Variants in USP7 observed in about 807,000 individuals in gnomAD.
USP7 encodes ubiquitin specific peptidase 7.
A neutral mutation model predicts 162.9 loss-of-function variants in USP7; 9 were observed. The ratio of observed to expected loss-of-function variants is 0.06; its 90% CI spans 0.03 to 0.10. USP7 has a LOEUF of 0.10. Among genes scored for constraint, USP7 ranks in the 10% least tolerant of loss-of-function variants. The pLI is 1.00. For missense variants in USP7, 715 were observed against 1,373.7 expected, an observed-to-expected ratio of 0.52 and a Z score of 7.58; for synonymous variants, 562 against 475.9, an observed-to-expected ratio of 1.18 and a Z score of -2.35.
intron 16 of USP7, 109 bp from the exon 17 acceptor site, chr16:8,902,591 T>A: frequency 1.1e-6 from 1 of 941,144 alleles, no homozygotes; most frequent in South Asian, 1.8e-5. Context: ...ATAGTCAATG[T>A]TAAGACTGTG....
At chr16:8,915,416 A>T (rs562670555) in intron 9 of USP7, 29 bp downstream of exon 9, 33 of 1,613,382 alleles carry the variant, frequency 2.0e-5, no homozygotes, top group Middle Eastern at 1.7e-4. Flanking sequence ...ACCTTTAAAA[A>T]TCATCTTTTA....
chr16:8,950,891 C>G (rs1899516694), intron 1 of USP7, among the ~76,000 whole-genome samples: 1 of 152,182 alleles, frequency 6.6e-6, no homozygotes, highest in African/African-American at 2.4e-5. Context: ...GGGGCCAGAA[C>G]TTGGGCCTCC....
intron 8 of USP7, 49 bp from the exon 9 acceptor site, chr16:8,915,574 T>C (rs2062015199): frequency 6.8e-7 from 1 of 1,470,316 alleles, no homozygotes; most frequent in Non-Finnish European, 9.4e-7. Context: ...TACTTAGTAA[T>C]ATATACAGTA....
At chr16:8,939,349 GAC>G (rs1240983810) in intron 1 of USP7, among the ~76,000 whole-genome samples, 2 of 152,174 alleles carry the variant, frequency 1.3e-5, no homozygotes, top group Non-Finnish European at 2.9e-5. Context: ...TATATAAATG[GAC>G]ACAGTGTGGA....
intron 10 of USP7, among the ~76,000 whole-genome samples, chr16:8,913,996 C>G (rs545628339): frequency 6.6e-6 from 1 of 152,112 alleles, no homozygotes; most frequent in African/African-American, 2.4e-5. Flanking sequence ...ACTCAGCCTC[C>G]CAAAGTGCTG....
At chr16:8,948,104 A>AT (rs1166914728) in intron 1 of USP7, among the ~76,000 whole-genome samples, 1 of 152,198 alleles carries the variant, frequency 6.6e-6, no homozygotes, top group Admixed American at 6.5e-5. Context: ...CCAGATGCTA[A>AT]TAGAGCTCCC....
intron 1 of USP7, among the ~76,000 whole-genome samples, chr16:8,959,875 C>G (rs1363807440): frequency 6.6e-6 from 1 of 152,190 alleles, no homozygotes; most frequent in Non-Finnish European, 1.5e-5. Flanking sequence ...TTAATTTGCT[C>G]CTAATAGCAG....
rs747065348 is a variant in USP7 at position 8,904,516 on chromosome 16, C to T, written c.1623G>A (p.Val541=). ...VTDHDIPQQL[V]ERLQEEKRIE... is the part of the protein sequence containing the mutation. The stretch of plus-strand genomic sequence containing the variant: ...TCCTTTTCTCTTCTTGTAATCGCTC[C>T]ACCAACTGCTGAGGAATATCATGGT... The change falls in exon 15 of 31, where the codon GTG becomes GTA. Residue 541 remains valine, a synonymous_variant. Transcript: ENST00000344836. The T allele has an allele frequency of 8.7e-6, 14 of 1,614,180 alleles. 1 individual carries two copies. The Middle Eastern group carries it at 8.2e-4, about 95-fold the overall frequency.
chr16:8,895,302 C>T (rs2061664508), intron 27 of USP7, 152 bp from the exon 28 acceptor site: 4 of 1,245,994 alleles, frequency 3.2e-6, no homozygotes, highest in Admixed American at 4.7e-5. Context: ...GTGATGGGCA[C>T]TCATGGGAGT....
intron 11 of USP7, 109 bp downstream of exon 11, chr16:8,910,636 T>C (rs1037951656): frequency 1.3e-5 from 12 of 942,838 alleles, no homozygotes; most frequent in South Asian, 3.0e-5. Flanking sequence ...ATATTCTAAA[T>C]ACCAGAAACA....
chr16:8,920,020 C>G (rs996906927), intron 5 of USP7, among the ~76,000 whole-genome samples: 2 of 152,220 alleles, frequency 1.3e-5, no homozygotes, highest in African/African-American at 4.8e-5. Context: ...TTCCTCCCTG[C>G]CCTCATCAAA....
chr16:8,960,692 G>A (rs976746915), intron 1 of USP7, among the ~76,000 whole-genome samples: 24 of 152,294 alleles, frequency 1.6e-4, no homozygotes, highest in African/African-American at 5.5e-4. Context: ...CTCACAGCCT[G>A]GTCCATGAAG....
rs555750896 is a variant in USP7, at chr16:8,904,295, T to A, written c.1704+140A>T. 33 of 1,450,330 alleles carry A rather than the reference T, an allele frequency of 2.3e-5. No individual in the cohort carries two copies. The East Asian group carries it at 3.9e-4, about 17-fold the overall frequency. 89.8% of individuals were successfully genotyped at this position (1,450,330 alleles called of 1,614,324 possible). A position where few individuals can be genotyped will look rare whatever the true frequency, so the allele number is the denominator to read the frequency against. ...GGTCCCAGAGGAGTGGGGACTGACC[T>A]GCACTTGCGTACAGAGATGGATGCC... On this transcript the variant is annotated intron_variant, in intron 15 of 30. Coordinates refer to ENST00000344836, the MANE Select transcript of USP7 (RefSeq NM_003470.3).
intron 1 of USP7, among the ~76,000 whole-genome samples, chr16:8,939,363 T>C (rs1279249019): frequency 6.6e-6 from 1 of 152,224 alleles, no homozygotes; most frequent in Non-Finnish European, 1.5e-5. Context: ...CAGTGTGGAA[T>C]GAGTTGTTCC....
At chr16:8,895,546 A>G (rs1677473) in intron 27 of USP7, 96 bp downstream of exon 27, 1,079,911 of 1,082,874 alleles carry the variant, frequency 1, 538,527 homozygotes, top group East Asian at 1. Flanking sequence ...TAAAAACACA[A>G]ATCAAGCTAC....
chr16:8,896,991 A>G lies in USP7; in HGVS notation c.2819+8T>C. 6.2e-7 allele frequency: 1 copy of G among 1,611,164 alleles called. No homozygotes were observed. Among genetic ancestry groups the G allele is most frequent in the Non-Finnish European group, 8.5e-7 (1 of 1,177,314 alleles). On this transcript the variant is annotated splice_region_variant and intron_variant, in intron 26 of 30. Coordinates refer to ENST00000344836, the MANE Select transcript of USP7 (RefSeq NM_003470.3). ...GAACGTCCACAATTGGGCTCAAGAA[A>G]TACTTGCCTAAGTTTCCCTGATGCT...
intron 25 of USP7, among the ~76,000 whole-genome samples, chr16:8,897,930 C>T (rs917565738): frequency 6.6e-6 from 1 of 150,760 alleles, no homozygotes; most frequent in Non-Finnish European, 1.5e-5. Flanking sequence ...TGGCTGGATG[C>T]GTCTTCTGTT....
At chr16:8,909,985 A>G (rs2061919251) in intron 11 of USP7, among the ~76,000 whole-genome samples, 1 of 152,210 alleles carries the variant, frequency 6.6e-6, no homozygotes. Context: ...GGACTGACCT[A>G]GCAGAAGAGT....
chr16:8,945,972 A>G (rs1899256178), intron 1 of USP7, among the ~76,000 whole-genome samples: 1 of 152,180 alleles, frequency 6.6e-6, no homozygotes, highest in Admixed American at 6.5e-5. Flanking sequence ...TCAAGACAGC[A>G]CTGCTGGCAA....
Sources: allele counts gnomAD v4.1 joint callset (sites outside exome capture counted in the v4.1 genomes callset), GRCh38; gene constraint gnomAD v4.1.1; transcripts MANE v1.5; gene names NCBI Gene and HGNC (gene_info 2026-07-23, HGNC 2026-07-21).